Variants in PRUNE2 observed in about 807,000 individuals in gnomAD.
PRUNE2 encodes the protein protein prune homolog 2.
A neutral mutation model predicts 252.0 loss-of-function variants in PRUNE2; 164 were observed. The observed-to-expected ratio is 0.65, with a 90% CI of 0.57 to 0.74. The LOEUF (loss-of-function observed/expected upper bound fraction) is 0.74. Among genes scored for constraint, PRUNE2 ranks in the 30% least tolerant of loss-of-function variants. The pLI is 0.00. For synonymous variants in PRUNE2, 1,292 were observed against 1,350.2 expected (o/e 0.96, Z 0.94); for missense variants, 3,495 against 3,711.0 (o/e 0.94, Z 1.51).
intron 9 of PRUNE2, among the ~76,000 whole-genome samples, chr9:76,658,369 A>C (rs1850046084): frequency 6.6e-6 from 1 of 152,200 alleles, no homozygotes; most frequent in African/African-American, 2.4e-5. Context: ...ACTCCCCCCC[A>C]AAAAGAAGGC....
chr9:76,709,037 G>GTT lies in PRUNE2; in HGVS notation c.3236_3237insAA (p.Tyr1079Ter). Residue 1079 changes from tyrosine (Y) to a stop codon, truncating the protein, a stop_gained and frameshift_variant, in exon 8 of 19, where the codon TAC becomes TAAAC. Transcript: ENST00000376718. LOFTEE classifies it high-confidence loss of function. ...DDVGESSQSS[Y>*]DDPSMMQLYN... Reference sequence around the variant, plus strand: ...ACAGTTGCATCATGCTGGGGTCGTCGTAACTGGACTGGCTGCTTTCCCCGA... The same window carrying GTT: ...ACAGTTGCATCATGCTGGGGTCGTCGTTTAACTGGACTGGCTGCTTTCCCCGA... 6.2e-7 allele frequency: 1 copy of GTT among 1,613,964 alleles called. No homozygotes were observed. The highest frequency in any genetic ancestry group is 8.5e-7 in the Non-Finnish European group (1 of 1,179,878).
At chr9:76,823,787 T>G in intron 5 of PRUNE2, 61 bp from the exon 6 acceptor site, 1 of 974,672 alleles carries the variant, frequency 1.0e-6, no homozygotes, top group Non-Finnish European at 1.6e-6. Flanking sequence ...TTTTGTAATA[T>G]CAAGCGATGT....
At chr9:76,869,430 C>T (rs1462826430) in intron 1 of PRUNE2, among the ~76,000 whole-genome samples, 1 of 152,184 alleles carries the variant, frequency 6.6e-6, no homozygotes, top group Non-Finnish European at 1.5e-5. Flanking sequence ...AGAACTCTCA[C>T]CTTCCAGGTG....
intron 9 of PRUNE2, among the ~76,000 whole-genome samples, chr9:76,668,396 A>C (rs2040621882): frequency 2.0e-5 from 3 of 152,168 alleles, no homozygotes; most frequent in African/African-American, 7.2e-5. Context: ...TGTTACTTTC[A>C]ATTACTAAAA....
intron 1 of PRUNE2, among the ~76,000 whole-genome samples, chr9:76,881,520 A>G (rs143198288): frequency 0.013 from 2,011 of 152,250 alleles, 38 homozygotes; most frequent in African/African-American, 0.045. Flanking sequence ...CTTCTTAAAC[A>G]TTTTTATCAT....
intron 6 of PRUNE2, among the ~76,000 whole-genome samples, chr9:76,734,723 C>A (rs1013236893): frequency 6.6e-6 from 1 of 152,174 alleles, no homozygotes. Context: ...GCTGTCTTTA[C>A]CCCTAACCTG....
chr9:76,678,866 C>T (rs943965813), intron 9 of PRUNE2, among the ~76,000 whole-genome samples: 7 of 152,228 alleles, frequency 4.6e-5, no homozygotes, highest in Admixed American at 3.3e-4. Context: ...TAAATAAAGT[C>T]CTTCCTCCCT....
intron 6 of PRUNE2, among the ~76,000 whole-genome samples, chr9:76,796,990 C>A (rs1235592460): frequency 2.0e-5 from 3 of 152,100 alleles, no homozygotes; most frequent in Admixed American, 6.6e-5. Context: ...CTGACCAATA[C>A]ACCCATTTAC....
intron 1 of PRUNE2, among the ~76,000 whole-genome samples, chr9:76,866,223 T>C (rs1383145897): frequency 1.3e-5 from 2 of 152,234 alleles, no homozygotes; most frequent in Non-Finnish European, 2.9e-5. Context: ...ACCAGGTGTT[T>C]CTTAGCTCTG....
At chr9:76,696,172 C>A (rs546650650) in intron 9 of PRUNE2, among the ~76,000 whole-genome samples, 1 of 152,266 alleles carries the variant, frequency 6.6e-6, no homozygotes, top group South Asian at 2.1e-4. Flanking sequence ...CAAAGGGTTA[C>A]CCAATCCTGC....
chr9:76,829,512 G>A (rs2058546291), intron 4 of PRUNE2, among the ~76,000 whole-genome samples: 1 of 152,128 alleles, frequency 6.6e-6, no homozygotes, highest in African/African-American at 2.4e-5. Flanking sequence ...TATAAATGAA[G>A]TTTTATTGGA....
chr9:76,697,234 C>T (rs953181854), intron 9 of PRUNE2, among the ~76,000 whole-genome samples: 1 of 152,206 alleles, frequency 6.6e-6, no homozygotes, highest in African/African-American at 2.4e-5. Context: ...GCCAATACAA[C>T]ACAAATGGAC....
chr9:76,831,006 T>G (rs1359502228), intron 4 of PRUNE2, among the ~76,000 whole-genome samples: 1 of 151,708 alleles, frequency 6.6e-6, no homozygotes, highest in African/African-American at 2.4e-5. Context: ...CTCGGCTCTC[T>G]GCAAGCTCCA....
intron 6 of PRUNE2, among the ~76,000 whole-genome samples, chr9:76,752,288 G>A (rs536045263): frequency 1.3e-5 from 2 of 151,940 alleles, no homozygotes; most frequent in African/African-American, 4.8e-5. Context: ...TAGTAGAGAC[G>A]GGGTTTCACC....
At position 76,850,511 on chromosome 9, in the gene PRUNE2, T is replaced by C. The variant is rs1170352049; in HGVS notation, c.296A>G (p.Asp99Gly). 1.2e-6 allele frequency: 2 copies of C among 1,613,976 alleles called. No homozygotes were observed. The highest frequency in any genetic ancestry group is 3.3e-5 in the Admixed American group (2 of 59,988). The change falls in exon 3 of 19, where the codon GAT becomes GGT. Residue 99 changes from aspartate (D) to glycine (G), a missense_variant. Transcript: ENST00000376718. ...RDEINLHQLN[D>G]EGKLSITLVG... ...AAGTGTTATCGATAACTTCCCTTCA[T>C]CATTTAGCTGATGCAGGTTAATTTC...
At chr9:76,843,475 A>T (rs539024647) in intron 4 of PRUNE2, among the ~76,000 whole-genome samples, 67 of 152,322 alleles carry the variant, frequency 4.4e-4, no homozygotes, top group Non-Finnish European at 7.2e-4. Flanking sequence ...GTATAATTTT[A>T]AAAAAGTTCT....
intron 6 of PRUNE2, among the ~76,000 whole-genome samples, chr9:76,767,728 C>A (rs182089502): frequency 2.8e-4 from 43 of 152,234 alleles, no homozygotes; most frequent in South Asian, 1.0e-3. Context: ...TCTCGTGAAT[C>A]TTTAAATGAA....
At chr9:76,885,609 C>G (rs1375394843) in intron 1 of PRUNE2, among the ~76,000 whole-genome samples, 1 of 152,100 alleles carries the variant, frequency 6.6e-6, no homozygotes, top group African/African-American at 2.4e-5. Flanking sequence ...CAGACTTACT[C>G]TTCAGAGCGG....
chr9:76,708,852 C>T lies in PRUNE2; in HGVS notation c.3422G>A (p.Cys1141Tyr), dbSNP rs781376465. 2.6e-5 allele frequency: 42 copies of T among 1,613,876 alleles called. No homozygotes were observed. In the Admixed American group the frequency reaches 6.3e-4, roughly 24 times the overall value. Reference sequence around the variant, plus strand: ...ACTGGGGATTGCCGCACCCCCACTGCAGTCATCCCAGTCCAAATCATTGTC... The same window carrying T: ...ACTGGGGATTGCCGCACCCCCACTGTAGTCATCCCAGTCCAAATCATTGTC... Reference protein sequence around the residue: ...DMDNDLDWDDCSGGAAIPSDG... With the variant: ...DMDNDLDWDDYSGGAAIPSDG... Residue 1141 changes from cysteine (C) to tyrosine (Y), a missense_variant, in exon 8 of 19, where the codon TGC (cysteine) becomes TAC (tyrosine). Cys to Tyr is a radical substitution (Grantham distance 194). Transcript: ENST00000376718.
Sources: allele counts gnomAD v4.1 joint callset (sites outside exome capture counted in the v4.1 genomes callset), GRCh38; gene constraint gnomAD v4.1.1; transcripts MANE v1.5; gene names NCBI Gene and HGNC (gene_info 2026-07-23, HGNC 2026-07-21).